Variants in GABRB1 observed in about 807,000 individuals in gnomAD.
GABRB1 encodes the protein gamma-aminobutyric acid receptor subunit beta-1.
In GABRB1, 17 loss-of-function variants were observed where a neutral mutation model predicts 51.6. That is an observed-to-expected ratio of 0.33 (90% CI 0.23 to 0.49). GABRB1 has a LOEUF of 0.49. GABRB1 is among the 20% of genes least tolerant of loss of function. GABRB1 has a pLI of 0.99. For missense variants in GABRB1, 410 were observed against 600.6 expected, an observed-to-expected ratio of 0.68 and a Z score of 3.32; for synonymous variants, 247 against 218.9, an observed-to-expected ratio of 1.13 and a Z score of -1.14.
intron 3 of GABRB1, among the ~76,000 whole-genome samples, chr4:47,080,034 C>T (rs1727758983): frequency 6.6e-6 from 1 of 151,834 alleles, no homozygotes; most frequent in Non-Finnish European, 1.5e-5. Context: ...TGCCAAACTG[C>T]CAAAGAGTGT....
intron 3 of GABRB1, among the ~76,000 whole-genome samples, chr4:47,137,569 C>G (rs917553112): frequency 1.3e-5 from 2 of 152,042 alleles, no homozygotes; most frequent in African/African-American, 4.8e-5. Context: ...ATAATTTTCT[C>G]TTTAGTTCAA....
At chr4:47,333,191 T>C (rs920331291) in intron 5 of GABRB1, among the ~76,000 whole-genome samples, 1 of 884 alleles carries the variant, frequency 1.1e-3, no homozygotes, top group Admixed American at 0.021. Flanking sequence ...AAACCCATTT[T>C]ATTTATATAT....
chr4:47,338,285 T>C (rs956580394), intron 5 of GABRB1, among the ~76,000 whole-genome samples: 26 of 152,226 alleles, frequency 1.7e-4, no homozygotes, highest in African/African-American at 6.3e-4. Flanking sequence ...TCTTTCATCT[T>C]GCAAGTGTTC....
intron 4 of GABRB1, among the ~76,000 whole-genome samples, chr4:47,308,448 A>T (rs1724547743): frequency 6.6e-6 from 1 of 152,056 alleles, no homozygotes; most frequent in Non-Finnish European, 1.5e-5. Context: ...TGCACAATTT[A>T]TTCTTCTGTC....
chr4:47,202,022 A>T (rs766018665), intron 4 of GABRB1, among the ~76,000 whole-genome samples: 7 of 151,980 alleles, frequency 4.6e-5, no homozygotes, highest in Non-Finnish European at 7.4e-5. Context: ...CATCCTCATC[A>T]CCCTAACTTA....
intron 4 of GABRB1, among the ~76,000 whole-genome samples, chr4:47,207,908 T>C (rs912428728): frequency 7.2e-5 from 11 of 152,104 alleles, no homozygotes; most frequent in Non-Finnish European, 1.5e-4. Flanking sequence ...TCTTTAGATG[T>C]TATTACTGCC....
chr4:47,062,669 T>C (rs1726892726), intron 3 of GABRB1, among the ~76,000 whole-genome samples: 1 of 152,152 alleles, frequency 6.6e-6, no homozygotes, highest in South Asian at 2.1e-4. Flanking sequence ...AAAATCTTAA[T>C]AGTGGAAAGA....
chr4:47,254,860 A>G (rs1284742945), intron 4 of GABRB1, among the ~76,000 whole-genome samples: 1 of 152,204 alleles, frequency 6.6e-6, no homozygotes, highest in African/African-American at 2.4e-5. Context: ...TACTTTAAAA[A>G]TTATTTGTAG....
intron 4 of GABRB1, among the ~76,000 whole-genome samples, chr4:47,221,158 T>A (rs1560591262): frequency 6.6e-6 from 1 of 151,960 alleles, no homozygotes; most frequent in Non-Finnish European, 1.5e-5. Context: ...ATAAATACCA[T>A]CTACATTTCA....
intron 4 of GABRB1, among the ~76,000 whole-genome samples, chr4:47,286,696 C>T (rs542903712): frequency 2.0e-4 from 31 of 152,178 alleles, no homozygotes; most frequent in Non-Finnish European, 3.5e-4. Context: ...GATAATTAAG[C>T]ATGGATAATG....
chr4:47,121,410 G>T (rs985712828), intron 3 of GABRB1, among the ~76,000 whole-genome samples: 1 of 152,146 alleles, frequency 6.6e-6, no homozygotes, highest in African/African-American at 2.4e-5. Context: ...TCAGCGATAT[G>T]AAGTTAAAAA....
intron 5 of GABRB1, among the ~76,000 whole-genome samples, chr4:47,323,140 C>T (rs547823482): frequency 6.6e-6 from 1 of 152,280 alleles, no homozygotes; most frequent in Admixed American, 6.5e-5. Context: ...CTGAATGTTG[C>T]TTTTAGATCA....
At chr4:47,359,939 T>C (rs1203966104) in intron 5 of GABRB1, among the ~76,000 whole-genome samples, 2 of 152,070 alleles carry the variant, frequency 1.3e-5, no homozygotes, top group African/African-American at 4.8e-5. Flanking sequence ...ATGATCTGTG[T>C]TTCTGCCTGT....
At chr4:47,168,540 A>G (rs1718303779) in intron 4 of GABRB1, among the ~76,000 whole-genome samples, 1 of 151,978 alleles carries the variant, frequency 6.6e-6, no homozygotes, top group Non-Finnish European at 1.5e-5. Flanking sequence ...ACTTGATCAG[A>G]TTTAGATTAC....
intron 4 of GABRB1, among the ~76,000 whole-genome samples, chr4:47,250,607 T>C (rs1303940674): frequency 6.6e-6 from 1 of 152,170 alleles, no homozygotes; most frequent in Non-Finnish European, 1.5e-5. Flanking sequence ...GGTTTGGTCA[T>C]TTAACATAAT....
In GABRB1 at chr4:47,406,937, A is replaced by G; in HGVS notation, c.1080+11A>G. The stretch of plus-strand genomic sequence containing the variant: ...ATGAATAAAGTCCAGGTAAGATATT[A>G]AATATTCCTAACAATATTCTTGTTA... On this transcript the variant is annotated intron_variant, in intron 8 of 8. Transcript: ENST00000295454. 6.2e-7 allele frequency: 1 copy of G among 1,610,826 alleles called. No individual in the cohort carries two copies. The highest frequency in any genetic ancestry group is 8.5e-7 in the Non-Finnish European group (1 of 1,177,892).
chr4:47,255,888 T>C (rs1053572422), intron 4 of GABRB1, among the ~76,000 whole-genome samples: 4 of 152,066 alleles, frequency 2.6e-5, no homozygotes, highest in Non-Finnish European at 5.9e-5. Context: ...TTGTTACTGA[T>C]GAAGCAGGCA....
chr4:47,004,335 T>C (rs532245024), intron 1 of GABRB1, among the ~76,000 whole-genome samples: 1 of 152,290 alleles, frequency 6.6e-6, no homozygotes, highest in East Asian at 1.9e-4. Context: ...TTTTTCCCAG[T>C]GGTTACAATT....
At chr4:47,067,477 T>C (rs906144007) in intron 3 of GABRB1, among the ~76,000 whole-genome samples, 12 of 152,322 alleles carry the variant, frequency 7.9e-5, no homozygotes, top group African/African-American at 2.9e-4. Context: ...TATTGTTTAG[T>C]GTAGCCAACT....
Sources: allele counts gnomAD v4.1 joint callset (sites outside exome capture counted in the v4.1 genomes callset), GRCh38; gene constraint gnomAD v4.1.1; transcripts MANE v1.5; gene names NCBI Gene and HGNC (gene_info 2026-07-23, HGNC 2026-07-21).